The following CNTNAP4 variants were observed in gnomAD, a reference collection of about 807,000 sequenced individuals.
CNTNAP4 encodes contactin associated protein family member 4.
A neutral mutation model predicts 148.4 loss-of-function variants in CNTNAP4; 98 were observed. That is an observed-to-expected ratio of 0.66 (90% CI 0.56 to 0.78). The LOEUF (loss-of-function observed/expected upper bound fraction) is 0.78, where lower values mean the gene tolerates loss of function less well. Ranked by LOEUF, CNTNAP4 falls within the 30% of genes least tolerant of loss-of-function variation. CNTNAP4 has a pLI of 0.00. For missense variants in CNTNAP4, 1,935 were observed against 1,565.6 expected (o/e 1.24, Z -3.98); for synonymous variants, 730 against 565.1 (o/e 1.29, Z -4.14).
At position 76,558,680 on chromosome 16, in the gene CNTNAP4, C is replaced by A. The variant is rs1242249112; in HGVS notation, c.3924C>A (p.Phe1308Leu). ...ATGAAAATCAGAAAGAGTACTTCTT[C>A]TGATTGGCAGCTATGATTTAACATA... ...AVNENQKEYFF is the reference protein window; with the variant it reads ...AVNENQKEYFL Residue 1308 changes from phenylalanine to leucine, a missense_variant, in exon 24 of 24, where the codon TTC (phenylalanine) becomes TTA (leucine). Transcript: ENST00000611870. The A allele has an allele frequency of 6.2e-7, 1 of 1,601,038 alleles. No homozygotes were observed. Among genetic ancestry groups the A allele is most frequent in the Admixed American group, 1.7e-5 (1 of 57,798 alleles).
intron 1 of CNTNAP4, among the ~76,000 whole-genome samples, chr16:76,303,344 C>G (rs1169133406): frequency 6.6e-6 from 1 of 152,056 alleles, no homozygotes; most frequent in African/African-American, 2.4e-5. Context: ...CTTTGAGATA[C>G]AAATAACAAC....
chr16:76,544,195 G>T (rs1568585747), intron 21 of CNTNAP4, among the ~76,000 whole-genome samples: 1 of 150,784 alleles, frequency 6.6e-6, no homozygotes, highest in Admixed American at 6.6e-5. Flanking sequence ...TAAGGGAGTA[G>T]CATATAAACA....
chr16:76,417,353 A>G (rs2079026514), intron 3 of CNTNAP4, among the ~76,000 whole-genome samples: 1 of 151,144 alleles, frequency 6.6e-6, no homozygotes, highest in Admixed American at 6.6e-5. Flanking sequence ...CTGCTCTTTT[A>G]CTGTATCAGT....
rs535890178 is a variant in CNTNAP4 at position 76,558,826 on chromosome 16, G to A, written c.*143G>A. ...ATCTTGCCATGTACAGGCTTGGGGT[G>A]GCTCCAGGAAGCCTCGTCCAGTGAT... On this transcript the variant is annotated 3_prime_UTR_variant, in exon 24 of 24. Coordinates refer to ENST00000611870, the MANE Select transcript of CNTNAP4 (RefSeq NM_033401.5). The A allele has an allele frequency of 3.5e-6, 2 of 568,276 alleles. No homozygotes were observed. The highest frequency in any genetic ancestry group is 3.3e-5 in the South Asian group (1 of 30,014). 35.2% of individuals were successfully genotyped at this position (568,276 alleles called of 1,614,324 possible).
At chr16:76,359,365 C>T (rs567039327) in intron 3 of CNTNAP4, among the ~76,000 whole-genome samples, 2 of 152,140 alleles carry the variant, frequency 1.3e-5, no homozygotes, top group African/African-American at 4.8e-5. Context: ...ACAAGTGTTA[C>T]TGGTTTAGGA....
chr16:76,404,840 G>A (rs372398230), intron 3 of CNTNAP4, among the ~76,000 whole-genome samples: 1 of 152,074 alleles, frequency 6.6e-6, no homozygotes. Flanking sequence ...ATAATGTACT[G>A]TATATTTCAA....
chr16:76,456,872 G>A (rs1174313372), intron 8 of CNTNAP4, among the ~76,000 whole-genome samples: 1 of 152,154 alleles, frequency 6.6e-6, no homozygotes, highest in African/African-American at 2.4e-5. Flanking sequence ...AGCTGGATGT[G>A]ACCTCGGTAG....
chr16:76,433,892 G>A (rs997677107), intron 4 of CNTNAP4, among the ~76,000 whole-genome samples: 1 of 151,962 alleles, frequency 6.6e-6, no homozygotes, highest in African/African-American at 2.4e-5. Context: ...TTGAAAAGAA[G>A]ATAGACTCTG....
rs987372031 is a variant in CNTNAP4 at position 76,464,839 on chromosome 16, C to T, written c.1484-2513C>T. Among the ~76,000 whole-genome samples, 4 of 152,200 alleles carry T rather than the reference C, an allele frequency of 2.6e-5. No homozygotes were observed. The East Asian group carries it at 7.7e-4, about 29-fold the overall frequency. ...TCCACCCTCAAACAGGTGCTTTTCA[C>T]AAAGTCGGACTGTATTGTGGTGGTA... On this transcript the variant is annotated intron_variant, in intron 9 of 23. Coordinates refer to ENST00000611870, the MANE Select transcript of CNTNAP4 (RefSeq NM_033401.5).
Position 76,452,660 on chromosome 16 carries a change from G to A in CNTNAP4, c.1224G>A (p.Leu408=), listed in dbSNP as rs1430439514. The part of the protein sequence containing the change: ...FRTWNKAGLL[L]FSELQLISGG... ...CTTGGAATAAGGCAGGGCTTCTGCT[G>A]TTCAGTGAACTTCAGCTGATTTCAG... The change falls in exon 8 of 24, where the codon CTG becomes CTA. Residue 408 remains leucine (L), a synonymous_variant. Coordinates refer to ENST00000611870, the MANE Select transcript of CNTNAP4 (RefSeq NM_033401.5). 6.2e-7 allele frequency: 1 copy of A among 1,613,880 alleles called. No homozygotes were observed. Among genetic ancestry groups the A allele is most frequent in the South Asian group, 1.1e-5 (1 of 91,060 alleles).
At chr16:76,486,619 A>G (rs1247145952) in intron 12 of CNTNAP4, among the ~76,000 whole-genome samples, 1 of 152,166 alleles carries the variant, frequency 6.6e-6, no homozygotes, top group Non-Finnish European at 1.5e-5. Flanking sequence ...GAAGTTAGAG[A>G]TAGAGAATTG....
At chr16:76,463,020 C>CA (rs1277715362) in intron 9 of CNTNAP4, among the ~76,000 whole-genome samples, 1 of 151,996 alleles carries the variant, frequency 6.6e-6, no homozygotes, top group Non-Finnish European at 1.5e-5. Flanking sequence ...ATTCTAAAAG[C>CA]AAAAGAACAA....
At chr16:76,380,981 C>T (rs1338948246) in intron 3 of CNTNAP4, among the ~76,000 whole-genome samples, 1 of 152,164 alleles carries the variant, frequency 6.6e-6, no homozygotes, top group Non-Finnish European at 1.5e-5. Context: ...CTTAGTCTTT[C>T]GTATTCTCCT....
intron 17 of CNTNAP4, among the ~76,000 whole-genome samples, chr16:76,534,267 TG>T (rs1238905298): frequency 6.6e-6 from 1 of 152,220 alleles, no homozygotes; most frequent in Non-Finnish European, 1.5e-5. Flanking sequence ...TTCTTTGTGC[TG>T]GATATACAGT....
chr16:76,525,428 A>G (rs1395063413), intron 17 of CNTNAP4, among the ~76,000 whole-genome samples: 2 of 150,234 alleles, frequency 1.3e-5, no homozygotes, highest in East Asian at 3.9e-4. Context: ...ATCTATCTAG[A>G]AAAAAATCTA....
intron 1 of CNTNAP4, among the ~76,000 whole-genome samples, chr16:76,300,265 A>G (rs1017493234): frequency 1.3e-5 from 2 of 152,206 alleles, no homozygotes; most frequent in Non-Finnish European, 2.9e-5. Flanking sequence ...ATAAGCAGAT[A>G]TCTTGCCTAT....
At chr16:76,397,050 G>T (rs1212040452) in intron 3 of CNTNAP4, among the ~76,000 whole-genome samples, 1 of 152,120 alleles carries the variant, frequency 6.6e-6, no homozygotes, top group Non-Finnish European at 1.5e-5. Flanking sequence ...GGTCTCATGG[G>T]TGGGTGGCAT....
intron 9 of CNTNAP4, among the ~76,000 whole-genome samples, chr16:76,466,597 T>C (rs2081183936): frequency 6.6e-6 from 1 of 152,162 alleles, no homozygotes; most frequent in Admixed American, 6.5e-5. Flanking sequence ...AACTTATTTA[T>C]TCCACTTGGA....
At chr16:76,314,690 G>A (rs1414034387) in intron 1 of CNTNAP4, among the ~76,000 whole-genome samples, 3 of 152,024 alleles carry the variant, frequency 2.0e-5, no homozygotes, top group African/African-American at 7.2e-5. Flanking sequence ...AGCATCTGGA[G>A]GCTAGGAATA....
Sources: gnomAD v4.1 joint callset for allele counts (sites outside exome capture counted in the v4.1 genomes callset) on GRCh38, gnomAD v4.1.1 for gene constraint, MANE v1.5 for transcripts, NCBI Gene and HGNC (gene_info 2026-07-23, HGNC 2026-07-21) for gene names.